Variants in NEBL observed in about 807,000 individuals in gnomAD.
NEBL encodes the protein LIM and SH3 protein 2.
Under a neutral mutation model 140.2 loss-of-function variants are expected in NEBL, and 122 were observed. That is an observed-to-expected ratio of 0.87 (90% CI 0.75 to 1.01). NEBL has a LOEUF of 1.01. NEBL is among the 50% of genes least tolerant of loss of function. The pLI is 0.00. For missense variants in NEBL, 1,365 were observed against 1,231.3 expected (o/e 1.11, Z -1.62); for synonymous variants, 436 against 398.9 (o/e 1.09, Z -1.11).
At chr10:21,020,288 T>G in intron 2 of NEBL, 1 of 1,155,108 alleles carries the variant, frequency 8.7e-7, no homozygotes, top group African/African-American at 1.5e-5. Context: ...ACATCCCCCC[T>G]TTTCCCAACC....
intron 19 of NEBL, 134 bp from the exon 20 acceptor site, chr10:20,819,650 G>T: frequency 9.0e-7 from 1 of 1,108,572 alleles, no homozygotes; most frequent in Non-Finnish European, 1.3e-6. Context: ...ATTTCATAGT[G>T]AAATATGTAT....
chr10:20,802,367 G>A (rs1837204008), intron 26 of NEBL, among the ~76,000 whole-genome samples: 1 of 152,148 alleles, frequency 6.6e-6, no homozygotes. Context: ...CCAAAAGGCA[G>A]TAAAGATAAT....
chr10:20,998,242 C>T (rs1837749630), intron 3 of NEBL, among the ~76,000 whole-genome samples: 1 of 152,146 alleles, frequency 6.6e-6, no homozygotes, highest in Admixed American at 6.5e-5. Flanking sequence ...AGCAAGGACC[C>T]TGAGTAGCCG....
chr10:20,855,586 G>C (rs1842989225), intron 9 of NEBL, among the ~76,000 whole-genome samples: 1 of 151,816 alleles, frequency 6.6e-6, no homozygotes, highest in African/African-American at 2.4e-5. Flanking sequence ...TCGAATGCGT[G>C]TCTTTCCTTA....
At chr10:21,040,647 C>T (rs915419880) in intron 2 of NEBL, among the ~76,000 whole-genome samples, 1 of 152,174 alleles carries the variant, frequency 6.6e-6, no homozygotes, top group Admixed American at 6.5e-5. Context: ...CACCAAACCC[C>T]ACTACCAACC....
chr10:21,223,356 C>T (rs1842099893), intron 3 of NEBL, among the ~76,000 whole-genome samples: 1 of 152,192 alleles, frequency 6.6e-6, no homozygotes, highest in Non-Finnish European at 1.5e-5. Flanking sequence ...CAGTTACATC[C>T]ATGTTATTAC....
chr10:21,187,684 T>G (rs994575039), intron 3 of NEBL, among the ~76,000 whole-genome samples: 4 of 151,922 alleles, frequency 2.6e-5, no homozygotes, highest in African/African-American at 9.7e-5. Flanking sequence ...CTGCTAATGT[T>G]TGTATTTTTT....
intron 13 of NEBL, among the ~76,000 whole-genome samples, chr10:20,838,830 T>C (rs1032311315): frequency 4.6e-5 from 7 of 152,192 alleles, no homozygotes; most frequent in Admixed American, 3.3e-4. Context: ...AAGGATCAGA[T>C]GATCATTAGC....
Position 20,850,485 on chromosome 10 carries a change from T to C in NEBL, c.1026A>G (p.Glu342=). Reference sequence around the variant, plus strand: ...TTGGCTTTCCCTTATTTTTCTCATATTCTTCTTTATATTTCACCTTCATTG... The same window carrying C: ...TTGGCTTTCCCTTATTTTTCTCATACTCTTCTTTATATTTCACCTTCATTG... ...VLQSQVKYKE[E]YEKNKGKPML... Residue 342 remains glutamate, a synonymous_variant, in exon 11 of 28, where the codon GAA becomes GAG. Transcript: ENST00000377122. 1 of 1,600,764 alleles carries C rather than the reference T, an allele frequency of 6.2e-7. No homozygotes were observed. Among genetic ancestry groups the C allele is most frequent in the Non-Finnish European group, 8.6e-7 (1 of 1,168,044 alleles).
chr10:21,241,315 A>G (rs1842437271), intron 3 of NEBL, among the ~76,000 whole-genome samples: 1 of 152,060 alleles, frequency 6.6e-6, no homozygotes, highest in African/African-American at 2.4e-5. Flanking sequence ...AAGGACCAAG[A>G]GCCAGCCTGA....
intron 2 of NEBL, among the ~76,000 whole-genome samples, chr10:21,092,645 T>C (rs540264180): frequency 6.6e-6 from 1 of 150,534 alleles, no homozygotes; most frequent in Non-Finnish European, 1.5e-5. Flanking sequence ...ACCACCAGAG[T>C]AGCACCTGCC....
chr10:20,925,810 T>C (rs1833882529), intron 4 of NEBL, among the ~76,000 whole-genome samples: 1 of 152,110 alleles, frequency 6.6e-6, no homozygotes, highest in Non-Finnish European at 1.5e-5. Context: ...AATCTGGACA[T>C]AGAGCTTTCT....
At position 21,168,418 on chromosome 10, in the gene NEBL, CA is replaced by C. The variant is rs145813231; in HGVS notation, c.164+3964del. Among the ~76,000 whole-genome samples, 1,299 of 152,084 alleles carry C rather than the reference CA, an allele frequency of 8.5e-3. 40 individuals carry two copies. In the East Asian group the frequency reaches 0.12, roughly 14 times the overall value. On this transcript the variant is annotated intron_variant, in intron 2 of 6. Coordinates refer to the NEBL transcript ENST00000417816. ...GAAAACTGTGAGAGATTCTGTAAAT[CA>C]GTAGAAATAATAGCAGAACTTGAAT...
At chr10:21,066,078 A>G (rs1835526104) in intron 2 of NEBL, among the ~76,000 whole-genome samples, 1 of 152,198 alleles carries the variant, frequency 6.6e-6, no homozygotes, top group African/African-American at 2.4e-5. Flanking sequence ...CCATATGAGC[A>G]TAAGCTGGAT....
intron 3 of NEBL, among the ~76,000 whole-genome samples, chr10:21,186,485 T>A (rs1024717015): frequency 6.6e-6 from 1 of 152,130 alleles, no homozygotes; most frequent in Admixed American, 6.5e-5. Context: ...GATGCTCCAG[T>A]CTGTGATATA....
intron 1 of NEBL, among the ~76,000 whole-genome samples, chr10:21,277,082 T>G (rs531023052): frequency 1.3e-5 from 2 of 152,044 alleles, no homozygotes; most frequent in East Asian, 1.9e-4. Flanking sequence ...TGAGTCATGA[T>G]GACACTACTG....
chr10:20,920,432 T>A (rs1432388603), intron 4 of NEBL, among the ~76,000 whole-genome samples: 1 of 152,186 alleles, frequency 6.6e-6, no homozygotes, highest in East Asian at 1.9e-4. Flanking sequence ...GAAATTGTAG[T>A]CCAGCGACAC....
intron 1 of NEBL, among the ~76,000 whole-genome samples, chr10:21,284,104 G>T (rs1843025874): frequency 6.8e-6 from 1 of 147,964 alleles, no homozygotes; most frequent in African/African-American, 2.5e-5. Context: ...CAGCTACTCA[G>T]GAAGCTGAGG....
chr10:20,908,194 T>C (rs937475176), intron 4 of NEBL, among the ~76,000 whole-genome samples: 19 of 152,322 alleles, frequency 1.2e-4, no homozygotes, highest in African/African-American at 4.6e-4. Flanking sequence ...GACTGATAAC[T>C]TGCCCAAGTT....
Sources: gnomAD v4.1 joint callset for allele counts (sites outside exome capture counted in the v4.1 genomes callset) on GRCh38, gnomAD v4.1.1 for gene constraint, MANE v1.5 for transcripts, NCBI Gene and HGNC (gene_info 2026-07-23, HGNC 2026-07-21) for gene names.